LHFPL6: variants seen among roughly 807,000 people sequenced by gnomAD.
The protein encoded by LHFPL6 is LHFPL tetraspan subfamily member 6.
A neutral mutation model predicts 20.6 loss-of-function variants in LHFPL6; 9 were observed. That is an observed-to-expected ratio of 0.44 (90% CI 0.26 to 0.76). LHFPL6 has a LOEUF of 0.76. Among genes scored for constraint, LHFPL6 ranks in the 30% least tolerant of loss-of-function variants. LHFPL6 has a pLI of 0.20. For synonymous variants in LHFPL6, 105 were observed against 98.7 expected, an observed-to-expected ratio of 1.06 and a Z score of -0.38; for missense variants, 218 against 253.5, an observed-to-expected ratio of 0.86 and a Z score of 0.95.
intron 2 of LHFPL6, among the ~76,000 whole-genome samples, chr13:39,385,188 T>C (rs946217954): frequency 6.6e-6 from 1 of 152,184 alleles, no homozygotes; most frequent in Non-Finnish European, 1.5e-5. Flanking sequence ...GGTTTTAGGA[T>C]TGTAGAGAGA....
chr13:39,563,764 G>A (rs888853321), intron 2 of LHFPL6, among the ~76,000 whole-genome samples: 2 of 152,036 alleles, frequency 1.3e-5, no homozygotes, highest in South Asian at 2.1e-4. Context: ...TATTATTCCT[G>A]CCAGGGTAAC....
chr13:39,382,378 A>G (rs888518690), intron 2 of LHFPL6, among the ~76,000 whole-genome samples: 1 of 151,984 alleles, frequency 6.6e-6, no homozygotes, highest in African/African-American at 2.4e-5. Context: ...AGTAGGTTAC[A>G]TTACTTTGTT....
intron 2 of LHFPL6, among the ~76,000 whole-genome samples, chr13:39,588,354 C>G (rs1000731471): frequency 6.6e-6 from 1 of 152,218 alleles, no homozygotes; most frequent in African/African-American, 2.4e-5. Flanking sequence ...AACCACCAAT[C>G]CCCTGGATTT....
In LHFPL6 at chr13:39,343,929, C is replaced by T. The variant is rs2138330451; in HGVS notation, c.*7G>A. ...CTTCTCCTCTGTCTGCTCTTGGTAGCTCCATCTCAGTATGGGTAGTGCTTC... is the reference window on the plus strand; with the variant it reads ...CTTCTCCTCTGTCTGCTCTTGGTAGTTCCATCTCAGTATGGGTAGTGCTTC... On this transcript the variant is annotated 3_prime_UTR_variant, in exon 4 of 4. Coordinates refer to ENST00000379589, the MANE Select transcript of LHFPL6 (RefSeq NM_005780.3). 1 of 1,610,430 alleles carries T rather than the reference C, an allele frequency of 6.2e-7. No individual in the cohort carries two copies. The highest frequency in any genetic ancestry group is 1.1e-5 in the South Asian group (1 of 90,892).
intron 2 of LHFPL6, among the ~76,000 whole-genome samples, chr13:39,545,224 T>A (rs11147766): frequency 1.4e-5 from 2 of 142,400 alleles, no homozygotes; most frequent in African/African-American, 2.7e-5. Context: ...CCAGCCTGGG[T>A]GACAGAGCGA....
At chr13:39,558,476 C>T (rs1040479059) in intron 2 of LHFPL6, among the ~76,000 whole-genome samples, 2 of 152,134 alleles carry the variant, frequency 1.3e-5, no homozygotes, top group East Asian at 1.9e-4. Flanking sequence ...CTGTATAATG[C>T]GCTTCTTTAT....
chr13:39,525,919 G>A (rs1870272010), intron 2 of LHFPL6, among the ~76,000 whole-genome samples: 1 of 151,338 alleles, frequency 6.6e-6, no homozygotes, highest in South Asian at 2.1e-4. Flanking sequence ...AACTCAGAAG[G>A]TCAAAAAGAA....
intron 2 of LHFPL6, among the ~76,000 whole-genome samples, chr13:39,485,456 C>A (rs140391213): frequency 2.6e-3 from 397 of 152,214 alleles, no homozygotes; most frequent in African/African-American, 8.7e-3. Context: ...TCATTAGCAA[C>A]CCTATGGGTC....
chr13:39,413,452 T>G (rs969114230), intron 2 of LHFPL6, among the ~76,000 whole-genome samples: 1 of 63,040 alleles, frequency 1.6e-5, no homozygotes. Flanking sequence ...TTTTTTTTTT[T>G]AGGAATTGGG....
At chr13:39,353,584 C>T (rs1311259332) in intron 3 of LHFPL6, among the ~76,000 whole-genome samples, 1 of 151,842 alleles carries the variant, frequency 6.6e-6, no homozygotes, top group Admixed American at 6.6e-5. Flanking sequence ...AAAAATTAGC[C>T]AGGTGTGGTG....
At chr13:39,549,399 T>C (rs1168918854) in intron 2 of LHFPL6, among the ~76,000 whole-genome samples, 1 of 152,116 alleles carries the variant, frequency 6.6e-6, no homozygotes, top group Non-Finnish European at 1.5e-5. Flanking sequence ...GAAAAAAGTA[T>C]GCTAGAAATC....
At chr13:39,499,925 C>T (rs1296076858) in intron 2 of LHFPL6, among the ~76,000 whole-genome samples, 2 of 152,206 alleles carry the variant, frequency 1.3e-5, no homozygotes, top group African/African-American at 4.8e-5. Context: ...GTTGACATGA[C>T]ACTCTTACTT....
chr13:39,552,045 T>C (rs897656532), intron 2 of LHFPL6, among the ~76,000 whole-genome samples: 3 of 152,196 alleles, frequency 2.0e-5, no homozygotes, highest in African/African-American at 7.2e-5. Flanking sequence ...TATTAAACAA[T>C]GGTAATTATT....
At chr13:39,371,444 G>C (rs1353505141) in intron 3 of LHFPL6, among the ~76,000 whole-genome samples, 1 of 152,200 alleles carries the variant, frequency 6.6e-6, no homozygotes, top group Non-Finnish European at 1.5e-5. Context: ...AATAAAGATT[G>C]ATCAGCCAAT....
intron 2 of LHFPL6, among the ~76,000 whole-genome samples, chr13:39,569,031 A>G (rs1306943745): frequency 1.3e-5 from 2 of 152,232 alleles, no homozygotes; most frequent in Admixed American, 6.5e-5. Flanking sequence ...TCCTAGCAGA[A>G]TAAGACCCGT....
chr13:39,557,275 C>A (rs546315043), intron 2 of LHFPL6, among the ~76,000 whole-genome samples: 2 of 152,356 alleles, frequency 1.3e-5, no homozygotes, highest in South Asian at 4.1e-4. Flanking sequence ...CACATTCTGG[C>A]TCAGGACACC....
At chr13:39,426,909 G>A (rs919059661) in intron 2 of LHFPL6, among the ~76,000 whole-genome samples, 1 of 152,040 alleles carries the variant, frequency 6.6e-6, no homozygotes, top group African/African-American at 2.4e-5. Context: ...TTTAGGTATT[G>A]ACCAATTTTG....
At chr13:39,524,770 T>A (rs1003220185) in intron 2 of LHFPL6, among the ~76,000 whole-genome samples, 1 of 152,178 alleles carries the variant, frequency 6.6e-6, no homozygotes, top group Admixed American at 6.5e-5. Flanking sequence ...TACAGGCCAC[T>A]AGGGGAGATG....
chr13:39,599,485 T>G lies in LHFPL6; in HGVS notation c.385+1347A>C, dbSNP rs549195602. On this transcript the variant is annotated intron_variant, in intron 2 of 3. Transcript: ENST00000379589. ...AATATACATATCACATGCAAGACTT[T>G]TGTCAGTGTTAAACATTGAAGCTGT... 1.2e-4 allele frequency among the ~76,000 whole-genome samples: 18 copies of G among 152,336 alleles called. 1 individual carries two copies. The South Asian group carries it at 3.7e-3, about 32-fold the overall frequency.
Sources: allele counts gnomAD v4.1 joint callset (sites outside exome capture counted in the v4.1 genomes callset), GRCh38; gene constraint gnomAD v4.1.1; transcripts MANE v1.5; gene names NCBI Gene and HGNC (gene_info 2026-07-23, HGNC 2026-07-21).